CSMD1: variants seen among roughly 807,000 people sequenced by gnomAD.
The protein encoded by CSMD1 is CUB and sushi domain-containing protein 1.
CSMD1 carries 213 observed loss-of-function variants against 417.5 expected under a neutral mutation model. That is an observed-to-expected ratio of 0.51 (90% confidence interval 0.46 to 0.57). The LOEUF (loss-of-function observed/expected upper bound fraction) is 0.57. Ranked by LOEUF, CSMD1 falls within the 20% of genes least tolerant of loss-of-function variation. The probability of loss-of-function intolerance (pLI) is 0.00; values close to 1 mark genes in which losing one functional copy is unlikely to be tolerated. For missense variants in CSMD1, 6,923 were observed against 4,529.7 expected, an observed-to-expected ratio of 1.53 and a Z score of -15.17; for synonymous variants, 2,862 against 1,736.8, an observed-to-expected ratio of 1.65 and a Z score of -16.11.
intron 10 of CSMD1, among the ~76,000 whole-genome samples, chr8:3,509,924 G>C (rs762922587): frequency 3.9e-5 from 6 of 152,144 alleles, no homozygotes; most frequent in Non-Finnish European, 8.8e-5. Flanking sequence ...CAACGCTTAA[G>C]TTGCTGGCAT....
chr8:4,801,581 T>A (rs2117285203), intron 1 of CSMD1, among the ~76,000 whole-genome samples: 1 of 152,252 alleles, frequency 6.6e-6, no homozygotes, highest in African/African-American at 2.4e-5. Context: ...CATATCTCAA[T>A]CATCTCAGTT....
intron 3 of CSMD1, among the ~76,000 whole-genome samples, chr8:4,147,888 T>G (rs769866176): frequency 2.0e-5 from 3 of 152,112 alleles, no homozygotes; most frequent in African/African-American, 4.8e-5. Flanking sequence ...AGGGGCTGCA[T>G]GTGATTCTTC....
chr8:3,927,144 G>A (rs990288815), intron 5 of CSMD1, among the ~76,000 whole-genome samples: 1 of 151,558 alleles, frequency 6.6e-6, no homozygotes, highest in African/African-American at 2.4e-5. Flanking sequence ...ATAAATAAAA[G>A]ATAGGGTTGT....
chr8:3,918,020 G>A (rs527604441), intron 5 of CSMD1, among the ~76,000 whole-genome samples: 15 of 152,076 alleles, frequency 9.9e-5, no homozygotes, highest in Middle Eastern at 6.8e-3. Flanking sequence ...GTTGCAAATG[G>A]CACAATTTCC....
chr8:4,886,809 T>G (rs550317340), intron 1 of CSMD1, among the ~76,000 whole-genome samples: 38 of 152,178 alleles, frequency 2.5e-4, no homozygotes, highest in African/African-American at 8.2e-4. Flanking sequence ...TATTTTTATT[T>G]CTGTAAAATT....
chr8:3,348,955 G>T (rs79833136), intron 21 of CSMD1, among the ~76,000 whole-genome samples: 5 of 152,084 alleles, frequency 3.3e-5, no homozygotes, highest in African/African-American at 7.2e-5. Context: ...AGTCCAATAC[G>T]ATCACAGAAA....
chr8:4,079,560 G>A (rs750418867), intron 3 of CSMD1, among the ~76,000 whole-genome samples: 1 of 152,148 alleles, frequency 6.6e-6, no homozygotes, highest in Admixed American at 6.5e-5. Context: ...ATTTATTGAT[G>A]TACTTCACTT....
At chr8:4,540,484 G>A (rs913870335) in intron 2 of CSMD1, among the ~76,000 whole-genome samples, 2 of 152,274 alleles carry the variant, frequency 1.3e-5, no homozygotes, top group East Asian at 1.9e-4. Flanking sequence ...CAGGAGAATG[G>A]CTTGAGCCCA....
At chr8:3,951,645 T>C (rs1186778267) in intron 5 of CSMD1, among the ~76,000 whole-genome samples, 4 of 152,138 alleles carry the variant, frequency 2.6e-5, no homozygotes, top group Non-Finnish European at 5.9e-5. Flanking sequence ...GGAAGAAAGG[T>C]TAAAATTTTT....
chr8:4,386,725 G>T (rs1041026885), intron 3 of CSMD1, among the ~76,000 whole-genome samples: 1 of 152,166 alleles, frequency 6.6e-6, no homozygotes, highest in Non-Finnish European at 1.5e-5. Flanking sequence ...AGGGATAGCT[G>T]GCAGAGAAGT....
intron 3 of CSMD1, among the ~76,000 whole-genome samples, chr8:4,187,364 G>A (rs116327498): frequency 6.6e-6 from 1 of 152,080 alleles, no homozygotes; most frequent in Non-Finnish European, 1.5e-5. Context: ...AGTAGCATTT[G>A]GGCCAGGCAC....
chr8:4,388,796 C>A (rs1026491615), intron 3 of CSMD1, among the ~76,000 whole-genome samples: 5 of 152,202 alleles, frequency 3.3e-5, no homozygotes, highest in African/African-American at 1.2e-4. Context: ...TTGATCCTCC[C>A]AGTACCTCTG....
In CSMD1 at chr8:4,637,545, T is replaced by G; in HGVS notation, c.99A>C (p.Gly33=). The part of the protein sequence containing the change: ...LLTAAKGQNC[G]GLVQGPNGTI... ...TGCCATTGGGACCCTGGACTAAGCC[T>G]CCACAGTTCTGACCTGGAAGAGAAA... The change falls in exon 2 of 70, where the codon GGA becomes GGC. Residue 33 remains glycine, a synonymous_variant. Transcript: ENST00000635120. 1 of 1,597,728 alleles carries G rather than the reference T, an allele frequency of 6.3e-7. No individual in the cohort carries two copies. Among genetic ancestry groups the G allele is most frequent in the Non-Finnish European group, 8.5e-7 (1 of 1,170,486 alleles).
chr8:4,268,662 G>T (rs1324304651), intron 3 of CSMD1, among the ~76,000 whole-genome samples: 1 of 151,888 alleles, frequency 6.6e-6, no homozygotes, highest in Non-Finnish European at 1.5e-5. Flanking sequence ...TAAATTCCAA[G>T]TACATACAAA....
At chr8:4,079,438 C>T (rs893171835) in intron 3 of CSMD1, among the ~76,000 whole-genome samples, 3 of 152,166 alleles carry the variant, frequency 2.0e-5, no homozygotes. Flanking sequence ...TATAGAACAC[C>T]ATCAGGCAGC....
At chr8:4,906,714 G>A (rs1051211329) in intron 1 of CSMD1, among the ~76,000 whole-genome samples, 3 of 152,046 alleles carry the variant, frequency 2.0e-5, no homozygotes. Flanking sequence ...ATGCCACCAT[G>A]TCCAGCTAAT....
chr8:4,931,095 A>T (rs1807217218), intron 1 of CSMD1, among the ~76,000 whole-genome samples: 1 of 152,356 alleles, frequency 6.6e-6, no homozygotes, highest in South Asian at 2.1e-4. Flanking sequence ...GCAATTATAT[A>T]GATATCTTCA....
intron 49 of CSMD1, among the ~76,000 whole-genome samples, chr8:3,083,644 ATATATTTTTTTTTTTTTTTT>A (rs1814299845): frequency 5.0e-5 from 1 of 19,804 alleles, no homozygotes; most frequent in Non-Finnish European, 8.3e-5. Context: ...ATATATATAT[ATATATTTTTTTTTTTTTTTT>A]TTTTTTTTTT....
At chr8:3,120,777 C>G (rs904731952) in intron 41 of CSMD1, among the ~76,000 whole-genome samples, 1 of 151,900 alleles carries the variant, frequency 6.6e-6, no homozygotes, top group Admixed American at 6.6e-5. Context: ...AACCCAGGAG[C>G]AGAAGGTTGC....
Sources: gnomAD v4.1 joint callset for allele counts (sites outside exome capture counted in the v4.1 genomes callset) on GRCh38, gnomAD v4.1.1 for gene constraint, MANE v1.5 for transcripts, NCBI Gene and HGNC (gene_info 2026-07-23, HGNC 2026-07-21) for gene names.